ITSN1: variants seen among roughly 807,000 people sequenced by gnomAD.
The protein encoded by ITSN1 is intersectin-1.
In ITSN1, 58 loss-of-function variants were observed where a neutral mutation model predicts 239.8. That is an observed-to-expected ratio of 0.24 (90% CI 0.20 to 0.30). ITSN1 has a LOEUF of 0.30. ITSN1 is among the 10% of genes least tolerant of loss of function. The pLI is 1.00. For missense variants in ITSN1, 1,558 were observed against 2,103.3 expected (o/e 0.74, Z 5.07); for synonymous variants, 780 against 770.8 (o/e 1.01, Z -0.20).
At position 33,865,465 on chromosome 21, in the gene ITSN1, T is replaced by C; in HGVS notation, c.4074+131T>C. On this transcript the variant is annotated intron_variant, in intron 32 of 39. Transcript: ENST00000381318. This position sits in a 1 kb window ranked among gnomAD's most constrained non-coding sequence, Gnocchi z 4.4. ...GGCCAACAGGGCCTAGGGTCTTGGCTAAGCCTTAGGGGACTGGCACTCACT... is the reference window on the plus strand; with the variant it reads ...GGCCAACAGGGCCTAGGGTCTTGGCCAAGCCTTAGGGGACTGGCACTCACT... 1 of 744,212 alleles carries C rather than the reference T, an allele frequency of 1.3e-6. No individual in the cohort carries two copies. 46.1% of individuals were successfully genotyped at this position (744,212 alleles called of 1,614,324 possible).
Position 33,797,703 on chromosome 21 carries a change from T to A in ITSN1, c.2182+95T>A, listed in dbSNP as rs1360967012. On this transcript the variant is annotated intron_variant, in intron 18 of 39. Transcript: ENST00000381318. This position sits in a 1 kb window ranked among gnomAD's most constrained non-coding sequence, Gnocchi z 4.9. Reference sequence around the variant, plus strand: ...CTATCTCATCAGTACCTGTCTTGGCTACATTAACAGATGAGAACGTCAGTC... The same window carrying A: ...CTATCTCATCAGTACCTGTCTTGGCAACATTAACAGATGAGAACGTCAGTC... 2.3e-6 allele frequency: 2 copies of A among 887,900 alleles called. No homozygotes were observed. The highest frequency in any genetic ancestry group is 5.0e-5 in the Admixed American group (2 of 39,858). The allele number at this position is 887,900 out of a possible 1,614,324, so 55.0% of individuals were successfully genotyped here. A position where few individuals can be genotyped will look rare whatever the true frequency, so the allele number is the denominator to read the frequency against.
chr21:33,827,762 C>T (rs1342320044), intron 26 of ITSN1, among the ~76,000 whole-genome samples: 1 of 152,134 alleles, frequency 6.6e-6, no homozygotes, highest in African/African-American at 2.4e-5. Flanking sequence ...TGAAATAATA[C>T]GGTTTCTGTG....
chr21:33,755,932 T>C (rs919355776), intron 8 of ITSN1, among the ~76,000 whole-genome samples: 3 of 152,218 alleles, frequency 2.0e-5, no homozygotes, highest in East Asian at 3.8e-4. Flanking sequence ...GATTCTGTTA[T>C]CTACGTCAGA....
intron 1 of ITSN1, among the ~76,000 whole-genome samples, chr21:33,675,959 G>A (rs538980929): frequency 6.5e-4 from 99 of 151,428 alleles, no homozygotes; most frequent in African/African-American, 2.2e-3. Context: ...AAACTAACTT[G>A]TGGAATTTTT....
chr21:33,770,587 A>G (rs2069083644), intron 11 of ITSN1, among the ~76,000 whole-genome samples: 1 of 152,152 alleles, frequency 6.6e-6, no homozygotes, highest in Non-Finnish European at 1.5e-5. Flanking sequence ...AGCCCCTGGC[A>G]ACCACCAATC....
intron 1 of ITSN1, among the ~76,000 whole-genome samples, chr21:33,646,664 A>G (rs1022433780): frequency 1.3e-5 from 2 of 152,334 alleles, no homozygotes; most frequent in Admixed American, 1.3e-4. Flanking sequence ...TAAAGTTCAC[A>G]TACTTCTAAG....
In ITSN1 at chr21:33,817,406, G is replaced by A. The variant is rs566222653; in HGVS notation, c.2728-861G>A. The A allele has an allele frequency of 5.5e-5, 72 of 1,304,394 alleles. 1 individual carries two copies. Among genetic ancestry groups the A allele is most frequent in the South Asian group, 3.6e-4 (29 of 81,032 alleles). 80.8% of individuals were successfully genotyped at this position (1,304,394 alleles called of 1,614,324 possible). A position where few individuals can be genotyped will look rare whatever the true frequency, so the allele number is the denominator to read the frequency against. ...TGTCAAAGTCCTTCTCATCCTTCAA[G>A]GCCCATCTCAGATGCTGCCCCCTCT... On this transcript the variant is annotated intron_variant, in intron 22 of 39. Coordinates refer to ENST00000381318, the MANE Select transcript of ITSN1 (RefSeq NM_003024.3).
In ITSN1 at chr21:33,782,028, A is replaced by T. The variant is rs1239673875; in HGVS notation, c.1719A>T (p.Glu573Asp). Reference sequence around the variant, plus strand: ...TTGTTACACTTAAAAGAGCCTTAGAAGCAAAAGAACTAGCTCGGCAGCACC... The same window carrying T: ...TTGTTACACTTAAAAGAGCCTTAGATGCAAAAGAACTAGCTCGGCAGCACC... Reference protein sequence around the residue: ...DSLVTLKRALEAKELARQHLR... With the variant: ...DSLVTLKRALDAKELARQHLR... Residue 573 changes from glutamate (E) to aspartate (D), a missense_variant, in exon 16 of 40, where the codon GAA becomes GAT. Physicochemically the swap from Glu to Asp is conservative, Grantham distance 45. Transcript: ENST00000381318. 1.9e-6 allele frequency: 3 copies of T among 1,612,922 alleles called. No homozygotes were observed. Among genetic ancestry groups the T allele is most frequent in the Non-Finnish European group, 2.5e-6 (3 of 1,179,754 alleles).
intron 19 of ITSN1, among the ~76,000 whole-genome samples, chr21:33,801,602 C>T (rs1018213301): frequency 2.6e-5 from 4 of 152,130 alleles, no homozygotes; most frequent in Non-Finnish European, 5.9e-5. Flanking sequence ...AGCTCAGAGG[C>T]GTGTGCCACC....
chr21:33,679,254 A>G (rs530554740), intron 1 of ITSN1, among the ~76,000 whole-genome samples: 1 of 152,094 alleles, frequency 6.6e-6, no homozygotes, highest in Non-Finnish European at 1.5e-5. Flanking sequence ...ATATATGCAT[A>G]GTATTTGTGT....
At chr21:33,782,724 T>C (rs868172838) in intron 16 of ITSN1, among the ~76,000 whole-genome samples, 1 of 152,168 alleles carries the variant, frequency 6.6e-6, no homozygotes, top group South Asian at 2.1e-4. Context: ...AACTGTATCA[T>C]CTTAAGAATG....
intron 1 of ITSN1, among the ~76,000 whole-genome samples, chr21:33,644,265 T>C (rs1940086503): frequency 6.6e-6 from 1 of 152,138 alleles, no homozygotes; most frequent in Non-Finnish European, 1.5e-5. Context: ...TACATACATA[T>C]GAAAGAAAAA....
At chr21:33,768,780 G>A (rs2068903241) in intron 11 of ITSN1, among the ~76,000 whole-genome samples, 1 of 152,180 alleles carries the variant, frequency 6.6e-6, no homozygotes, top group South Asian at 2.1e-4. Flanking sequence ...GGTCTGGTCA[G>A]AACACTGGCT....
rs143931220 is a variant in ITSN1 at position 33,700,075 on chromosome 21, T to G, written c.-32-18722T>G. On this transcript the variant is annotated intron_variant, in intron 1 of 39. Transcript: ENST00000381318. Reference sequence around the variant, plus strand: ...CCTGCCCTGCTTGAATTGTTTTTTTTTTGTTGTTGTTTTGTTTTTTTTTGG... The same window carrying G: ...CCTGCCCTGCTTGAATTGTTTTTTTGTTGTTGTTGTTTTGTTTTTTTTTGG... 1.5e-3 allele frequency among the ~76,000 whole-genome samples: 231 copies of G among 151,244 alleles called. 2 individuals are homozygous for G. Among genetic ancestry groups the G allele is most frequent in the East Asian group, 8.7e-3 (44 of 5,060 alleles).
At chr21:33,823,341 C>T (rs1431988179) in intron 24 of ITSN1, 146 bp from the exon 25 acceptor site, 26 of 676,346 alleles carry the variant, frequency 3.8e-5, no homozygotes, top group Non-Finnish European at 6.0e-5. Flanking sequence ...GGGCATTCTG[C>T]AGCTCTGTAT....
intron 1 of ITSN1, among the ~76,000 whole-genome samples, chr21:33,679,360 T>C (rs2090791196): frequency 1.3e-5 from 2 of 152,226 alleles, no homozygotes; most frequent in African/African-American, 4.8e-5. Flanking sequence ...GTGTATGGCT[T>C]GCTGCTCCCC....
At chr21:33,726,620 C>CA (rs1250347989) in intron 4 of ITSN1, among the ~76,000 whole-genome samples, 1 of 152,188 alleles carries the variant, frequency 6.6e-6, no homozygotes, top group Non-Finnish European at 1.5e-5. Context: ...CCTCCGGACT[C>CA]AAACAATCCT....
chr21:33,662,476 G>C (rs898502415), intron 1 of ITSN1, among the ~76,000 whole-genome samples: 14 of 152,100 alleles, frequency 9.2e-5, no homozygotes, highest in African/African-American at 3.4e-4. Flanking sequence ...GAGCAAATAG[G>C]TGATGGGGTA....
chr21:33,675,280 T>C (rs1467687812), intron 1 of ITSN1, among the ~76,000 whole-genome samples: 1 of 152,100 alleles, frequency 6.6e-6, no homozygotes, highest in Non-Finnish European at 1.5e-5. Context: ...AATCTTGATA[T>C]GGGCCGGGCA....
Sources: gnomAD v4.1 joint callset for allele counts (sites outside exome capture counted in the v4.1 genomes callset) on GRCh38, gnomAD v4.1.1 for gene constraint, Gnocchi (gnomAD v3.1) non-coding constraint, MANE v1.5 for transcripts, NCBI Gene and HGNC (gene_info 2026-07-23, HGNC 2026-07-21) for gene names.